The following C1QTNF7 variants were observed in gnomAD, a reference collection of about 807,000 sequenced individuals.
C1QTNF7 encodes the protein C1q and TNF related 7, also known as complement C1q tumor necrosis factor-related protein 7.
A neutral mutation model predicts 19.6 loss-of-function variants in C1QTNF7; 15 were observed. That is an observed-to-expected ratio of 0.76 (90% CI 0.51 to 1.18). C1QTNF7 has a LOEUF of 1.18. Among genes scored for constraint, C1QTNF7 ranks in the 50% most tolerant of loss-of-function variants. The pLI is 0.00. For synonymous variants in C1QTNF7, 142 were observed against 137.5 expected, an observed-to-expected ratio of 1.03 and a Z score of -0.23; for missense variants, 324 against 359.7, an observed-to-expected ratio of 0.90 and a Z score of 0.80.
intron 1 of C1QTNF7, among the ~76,000 whole-genome samples, chr4:15,432,972 T>C (rs959702249): frequency 6.6e-6 from 1 of 152,208 alleles, no homozygotes; most frequent in Non-Finnish European, 1.5e-5. Flanking sequence ...CACCATCAAC[T>C]AGACCCTTAC....
At chr4:15,358,569 A>G (rs986636228) in intron 1 of C1QTNF7, 5 of 152,204 alleles carry the variant, frequency 3.3e-5, no homozygotes, top group Non-Finnish European at 5.9e-5. Flanking sequence ...TTTTGGTATC[A>G]GGATGATGCT....
At chr4:15,371,443 A>C (rs1306146201) in intron 1 of C1QTNF7, among the ~76,000 whole-genome samples, 1 of 152,196 alleles carries the variant, frequency 6.6e-6, no homozygotes, top group East Asian at 1.9e-4. Flanking sequence ...GCTCCTCTGT[A>C]GCTTTTCATG....
chr4:15,432,539 G>GTGCA (rs1712361237), intron 1 of C1QTNF7, among the ~76,000 whole-genome samples: 3 of 152,120 alleles, frequency 2.0e-5, no homozygotes, highest in Admixed American at 2.0e-4. Context: ...GGAATTACAG[G>GTGCA]TGCACGCCAC....
intron 1 of C1QTNF7, among the ~76,000 whole-genome samples, chr4:15,341,781 C>G (rs551457319): frequency 2.2e-4 from 34 of 152,328 alleles, no homozygotes; most frequent in African/African-American, 7.9e-4. Flanking sequence ...GGGGCCCCAC[C>G]CATGACCTCA....
Position 15,442,751 on chromosome 4 carries a change from C to T in C1QTNF7, c.822C>T (p.Tyr274=), listed in dbSNP as rs144156971. 5.8e-5 allele frequency: 94 copies of T among 1,613,688 alleles called. No individual in the cohort carries two copies. The Middle Eastern group carries it at 8.3e-4, about 14-fold the overall frequency. Residue 274 remains tyrosine (Y), a synonymous_variant, in exon 3 of 3, where the codon TAC becomes TAT. Transcript: ENST00000444304. ...GCTTATTCTCCGGGTTTCTCTTATA[C>T]GTTGACACAGATTACCTAGATTCCA... ...ADSLFSGFLL[Y]VDTDYLDSIS...
upstream of C1QTNF7, among the ~76,000 whole-genome samples, chr4:15,426,365 G>A (rs529298506): frequency 4.7e-4 from 72 of 152,194 alleles, no homozygotes; most frequent in African/African-American, 1.5e-3. Flanking sequence ...CAACATCTGA[G>A]GTTCTGAACA....
At chr4:15,366,216 A>G (rs1269327312) in intron 1 of C1QTNF7, among the ~76,000 whole-genome samples, 1 of 152,198 alleles carries the variant, frequency 6.6e-6, no homozygotes, top group Non-Finnish European at 1.5e-5. Context: ...TGAAAATCCC[A>G]TGCCATGGAG....
In C1QTNF7 at chr4:15,445,652, T is replaced by A. The variant is rs1426666985; in HGVS notation, c.*2853T>A. 6.6e-6 allele frequency: 1 copy of A among 152,230 alleles called. No individual in the cohort carries two copies. Among genetic ancestry groups the A allele is most frequent in the Non-Finnish European group, 1.5e-5 (1 of 68,030 alleles). The allele number at this position is 152,230 out of a possible 1,614,324, so 9.4% of individuals were successfully genotyped here. On this transcript the variant is annotated 3_prime_UTR_variant, in exon 3 of 3. Transcript: ENST00000444304. ...ATAAAATCTTAAGCAAATATAGGTG[T>A]CTTTTATTCTTAAAAAATAGCAGAT...
rs1026892266 is a variant in C1QTNF7 at position 15,355,575 on chromosome 4, T to G, written c.13+15368T>G. Among the ~76,000 whole-genome samples, 4 of 151,784 alleles carry G rather than the reference T, an allele frequency of 2.6e-5. No individual in the cohort carries two copies. In the South Asian group the frequency reaches 8.3e-4, roughly 32 times the overall value. On this transcript the variant is annotated intron_variant, in intron 1 of 2. Coordinates refer to the C1QTNF7 transcript ENST00000295297. ...GCTAGTTGTGTATGTTCTCCAAAGC[T>G]TACTTTTCTCATCAAAAAAAAAAAT...
chr4:15,349,605 C>T (rs1250389775), intron 1 of C1QTNF7, among the ~76,000 whole-genome samples: 1 of 152,160 alleles, frequency 6.6e-6, no homozygotes, highest in Non-Finnish European at 1.5e-5. Context: ...AATTTCACTT[C>T]CTGGCAGCCA....
At chr4:15,388,775 A>C (rs116375652) in intron 1 of C1QTNF7, among the ~76,000 whole-genome samples, 8 of 152,216 alleles carry the variant, frequency 5.3e-5, no homozygotes, top group African/African-American at 1.9e-4. Flanking sequence ...TTATGACAGT[A>C]ATGTTGGAGA....
chr4:15,405,527 T>A (rs1186787809), intron 1 of C1QTNF7, among the ~76,000 whole-genome samples: 3 of 152,180 alleles, frequency 2.0e-5, no homozygotes, highest in African/African-American at 7.2e-5. Context: ...GAAATGGGCA[T>A]CAATTTATTA....
At chr4:15,442,004 G>C (rs1272575003) in intron 2 of C1QTNF7, among the ~76,000 whole-genome samples, 164 bp from the exon 3 acceptor site, 1 of 150,606 alleles carries the variant, frequency 6.6e-6, no homozygotes, top group African/African-American at 2.4e-5. Flanking sequence ...CCTGGTGATA[G>C]AGTGAGACTC....
intron 2 of C1QTNF7, among the ~76,000 whole-genome samples, chr4:15,437,977 G>C (rs1712602758): frequency 6.6e-6 from 1 of 152,148 alleles, no homozygotes; most frequent in South Asian, 2.1e-4. Context: ...ATAAGACATT[G>C]TTCTTGCCTT....
At chr4:15,383,900 C>T (rs963015125) in intron 1 of C1QTNF7, among the ~76,000 whole-genome samples, 15 of 152,266 alleles carry the variant, frequency 9.9e-5, no homozygotes, top group Non-Finnish European at 2.1e-4. Flanking sequence ...AAAAATTGAA[C>T]ATTTGTGTAG....
chr4:15,391,920 A>G (rs1198960648), intron 1 of C1QTNF7, among the ~76,000 whole-genome samples: 1 of 152,160 alleles, frequency 6.6e-6, no homozygotes, highest in Non-Finnish European at 1.5e-5. Flanking sequence ...TCAATTTGGC[A>G]TTACAACGTG....
rs1322110833 is a variant in C1QTNF7, at chr4:15,443,965, A to G, written c.*1166A>G. Reference sequence around the variant, plus strand: ...AAGGAGGGAGAGAGCCAAATGTCTGAGTAAACAGATATCCCTTCCAAGTCT... The same window carrying G: ...AAGGAGGGAGAGAGCCAAATGTCTGGGTAAACAGATATCCCTTCCAAGTCT... On this transcript the variant is annotated 3_prime_UTR_variant, in exon 3 of 3. Transcript: ENST00000444304. The G allele has an allele frequency of 6.6e-6, 1 of 152,242 alleles. No homozygotes were observed. The highest frequency in any genetic ancestry group is 1.5e-5 in the Non-Finnish European group (1 of 68,042). 9.4% of individuals were successfully genotyped at this position (152,242 alleles called of 1,614,324 possible).
chr4:15,362,445 G>A (rs1235553080), intron 1 of C1QTNF7: 2 of 152,146 alleles, frequency 1.3e-5, no homozygotes, highest in East Asian at 1.9e-4. Context: ...TTGTGCGTTA[G>A]TCATAGGCAA....
In C1QTNF7 at chr4:15,371,727, T is replaced by C. The variant is rs539227148; in HGVS notation, c.13+31520T>C. Reference sequence around the variant, plus strand: ...AAGAAAACATCCCGGGGAAGAAGCATGTGAGTTCAGTTTGAACTAATGAAG... The same window carrying C: ...AAGAAAACATCCCGGGGAAGAAGCACGTGAGTTCAGTTTGAACTAATGAAG... On this transcript the variant is annotated intron_variant, in intron 1 of 2. Coordinates refer to the C1QTNF7 transcript ENST00000295297. Among the ~76,000 whole-genome samples the C allele has an allele frequency of 4.7e-4, 72 of 152,130 alleles. No homozygotes were observed. In the South Asian group the frequency reaches 0.014, roughly 30 times the overall value.
Sources: gnomAD v4.1 joint callset for allele counts (sites outside exome capture counted in the v4.1 genomes callset) on GRCh38, gnomAD v4.1.1 for gene constraint, MANE v1.5 for transcripts, NCBI Gene and HGNC (gene_info 2026-07-23, HGNC 2026-07-21) for gene names.